Variants in ATXN7L1 observed in about 807,000 individuals in gnomAD.
The protein encoded by ATXN7L1 is ataxin-7-like protein 1.
In ATXN7L1, 15 loss-of-function variants were observed where a neutral mutation model predicts 70.8. The ratio of observed to expected loss-of-function variants is 0.21; its 90% CI spans 0.14 to 0.33. The LOEUF (loss-of-function observed/expected upper bound fraction) is 0.33. Ranked by LOEUF, ATXN7L1 falls within the 10% of genes least tolerant of loss-of-function variation. ATXN7L1 has a pLI of 1.00. For missense variants in ATXN7L1, 975 were observed against 1,097.1 expected, an observed-to-expected ratio of 0.89 and a Z score of 1.57; for synonymous variants, 440 against 445.1, an observed-to-expected ratio of 0.99 and a Z score of 0.14.
chr7:105,674,617 C>T (rs1320774896), intron 3 of ATXN7L1, among the ~76,000 whole-genome samples: 1 of 152,208 alleles, frequency 6.6e-6, no homozygotes, highest in African/African-American at 2.4e-5. Context: ...ACCATGCCAC[C>T]CTGCCTGGGA....
At chr7:105,768,120 C>T (rs1369134951) in intron 3 of ATXN7L1, among the ~76,000 whole-genome samples, 1 of 152,238 alleles carries the variant, frequency 6.6e-6, no homozygotes, top group African/African-American at 2.4e-5. Flanking sequence ...AACACTCTTC[C>T]TGCCACCAAC....
chr7:105,765,269 C>A (rs1013232159), intron 3 of ATXN7L1, among the ~76,000 whole-genome samples: 1 of 149,884 alleles, frequency 6.7e-6, no homozygotes, highest in African/African-American at 2.5e-5. Flanking sequence ...AGGAGGTGGA[C>A]GTTGCAGTGA....
intron 2 of ATXN7L1, among the ~76,000 whole-genome samples, chr7:105,834,559 G>C (rs2116595297): frequency 6.6e-6 from 1 of 152,206 alleles, no homozygotes; most frequent in South Asian, 2.1e-4. Context: ...GCAATACTAA[G>C]GTCAAACGTC....
intron 3 of ATXN7L1, among the ~76,000 whole-genome samples, chr7:105,685,592 T>C (rs676555): frequency 0.56 from 84,381 of 151,956 alleles, 23,646 homozygotes; most frequent in South Asian, 0.65. Context: ...CTACCATATT[T>C]GCAGAGGGGC....
intron 3 of ATXN7L1, among the ~76,000 whole-genome samples, chr7:105,707,354 TGAA>T (rs1162042729): frequency 1.3e-5 from 2 of 152,096 alleles, no homozygotes; most frequent in Non-Finnish European, 2.9e-5. Context: ...GTTCCTTGAA[TGAA>T]GAAGTCAAGG....
At chr7:105,723,034 G>A (rs1428028132) in intron 3 of ATXN7L1, among the ~76,000 whole-genome samples, 1 of 152,164 alleles carries the variant, frequency 6.6e-6, no homozygotes, top group African/African-American at 2.4e-5. Flanking sequence ...AACATAGCAA[G>A]ACCCTATTTT....
intron 2 of ATXN7L1, among the ~76,000 whole-genome samples, chr7:105,859,426 C>T (rs962453536): frequency 5.9e-5 from 9 of 152,086 alleles, no homozygotes; most frequent in African/African-American, 2.2e-4. Context: ...CATATACACA[C>T]ACACAGTCGC....
chr7:105,837,135 G>T (rs1169240157), intron 2 of ATXN7L1, among the ~76,000 whole-genome samples: 1 of 152,088 alleles, frequency 6.6e-6, no homozygotes, highest in Non-Finnish European at 1.5e-5. Flanking sequence ...AACTCAGAGC[G>T]TGAGTTCACT....
chr7:105,690,167 G>C (rs1790574739), intron 3 of ATXN7L1, among the ~76,000 whole-genome samples: 1 of 152,230 alleles, frequency 6.6e-6, no homozygotes, highest in Non-Finnish European at 1.5e-5. Flanking sequence ...ACCATGCCCA[G>C]CTAATTTTTG....
intron 3 of ATXN7L1, 101 bp from the exon 4 acceptor site, chr7:105,665,389 C>T: frequency 1.0e-6 from 1 of 956,222 alleles, no homozygotes; most frequent in Admixed American, 2.1e-5. Flanking sequence ...GAGAGAAGCG[C>T]TTTCCCTACA....
chr7:105,743,153 T>C (rs1047682883), intron 3 of ATXN7L1, among the ~76,000 whole-genome samples: 1 of 151,458 alleles, frequency 6.6e-6, no homozygotes, highest in African/African-American at 2.4e-5. Flanking sequence ...ATAAAATAAC[T>C]CTTGATTTTA....
At chr7:105,620,896 G>GAAA (rs10656477) in intron 8 of ATXN7L1, among the ~76,000 whole-genome samples, 5 of 144,842 alleles carry the variant, frequency 3.5e-5, no homozygotes, top group Admixed American at 6.8e-5. Context: ...CTGTCTCAGA[G>GAAA]AAAAAAAAAA....
At chr7:105,714,063 C>T (rs1485578965) in intron 3 of ATXN7L1, among the ~76,000 whole-genome samples, 1 of 152,262 alleles carries the variant, frequency 6.6e-6, no homozygotes, top group Non-Finnish European at 1.5e-5. Flanking sequence ...AAATACTTCA[C>T]ATAGCTTAGC....
At chr7:105,754,693 C>T (rs963523918) in intron 3 of ATXN7L1, among the ~76,000 whole-genome samples, 1 of 152,204 alleles carries the variant, frequency 6.6e-6, no homozygotes, top group African/African-American at 2.4e-5. Flanking sequence ...TTCCTGGCTT[C>T]AAGCAATCCT....
chr7:105,787,824 G>C (rs1170948291), intron 3 of ATXN7L1, among the ~76,000 whole-genome samples: 1 of 152,212 alleles, frequency 6.6e-6, no homozygotes, highest in Non-Finnish European at 1.5e-5. Context: ...TAAATAAAAA[G>C]ATTGGGAGAT....
At chr7:105,702,366 T>C (rs1167805267) in intron 3 of ATXN7L1, among the ~76,000 whole-genome samples, 1 of 152,230 alleles carries the variant, frequency 6.6e-6, no homozygotes, top group Admixed American at 6.5e-5. Context: ...CATTGCATTC[T>C]TTCTAGAAAT....
At chr7:105,685,655 G>C (rs1806099495) in intron 3 of ATXN7L1, among the ~76,000 whole-genome samples, 1 of 152,174 alleles carries the variant, frequency 6.6e-6, no homozygotes, top group South Asian at 2.1e-4. Context: ...GTTGAGACCA[G>C]AACCTGAGTA....
intron 3 of ATXN7L1, among the ~76,000 whole-genome samples, chr7:105,718,132 A>C (rs906891088): frequency 1.3e-5 from 2 of 152,162 alleles, no homozygotes; most frequent in African/African-American, 4.8e-5. Context: ...AAACAACAGC[A>C]ACAATAAGAA....
At chr7:105,647,419 G>A (rs919129580) in intron 4 of ATXN7L1, among the ~76,000 whole-genome samples, 12 of 152,162 alleles carry the variant, frequency 7.9e-5, no homozygotes, top group African/African-American at 2.7e-4. Context: ...AGGCTGAGGC[G>A]AGTGGATCAC....
Sources: allele counts gnomAD v4.1 joint callset (sites outside exome capture counted in the v4.1 genomes callset), GRCh38; gene constraint gnomAD v4.1.1; transcripts MANE v1.5; gene names NCBI Gene and HGNC (gene_info 2026-07-23, HGNC 2026-07-21).